Variants in BCAS4 observed in about 807,000 individuals in gnomAD.
The protein encoded by BCAS4 is breast carcinoma-amplified sequence 4.
Under a neutral mutation model 15.7 loss-of-function variants are expected in BCAS4, and 9 were observed. That is an observed-to-expected ratio of 0.57 (90% CI 0.34 to 1.00). BCAS4 has a LOEUF of 1.00. Ranked by LOEUF, BCAS4 falls within the 50% of genes least tolerant of loss-of-function variation. The probability of loss-of-function intolerance (pLI) is 0.02; values close to 1 mark genes in which losing one functional copy is unlikely to be tolerated. For missense variants in BCAS4, 225 were observed against 239.1 expected (o/e 0.94, Z 0.39); for synonymous variants, 101 against 99.5 (o/e 1.02, Z -0.09).
intron 4 of BCAS4, among the ~76,000 whole-genome samples, chr20:50,864,414 T>A (rs1398022634): frequency 2.6e-5 from 4 of 151,696 alleles, no homozygotes; most frequent in African/African-American, 9.7e-5. Context: ...GGAGCTGCTA[T>A]TGTCCTTACT....
intron 2 of BCAS4, among the ~76,000 whole-genome samples, chr20:50,820,487 A>T (rs1263849457): frequency 6.6e-6 from 1 of 152,168 alleles, no homozygotes; most frequent in Non-Finnish European, 1.5e-5. Flanking sequence ...GAGGCCAGGG[A>T]TGTGGTATGG....
intron 4 of BCAS4, among the ~76,000 whole-genome samples, chr20:50,856,767 A>T (rs1978779984): frequency 6.6e-6 from 1 of 152,154 alleles, no homozygotes; most frequent in Admixed American, 6.5e-5. Flanking sequence ...TGTGCCTGAC[A>T]TGTGGCCTCC....
intron 1 of BCAS4, among the ~76,000 whole-genome samples, chr20:50,808,074 A>AT (rs1309436703): frequency 3.3e-4 from 49 of 146,946 alleles, no homozygotes; most frequent in Admixed American, 1.2e-3. Context: ...TGCCCGGCTA[A>AT]TTTTTTTTTT....
chr20:50,814,669 G>T (rs2088116530), intron 1 of BCAS4, among the ~76,000 whole-genome samples: 1 of 152,246 alleles, frequency 6.6e-6, no homozygotes, highest in Admixed American at 6.5e-5. Flanking sequence ...AGCTGTGTGA[G>T]CTTGGGCAAG....
chr20:50,881,837 T>C (rs6126114), downstream of BCAS4: 43,236 of 151,918 alleles, frequency 0.28, 6,270 homozygotes, highest in African/African-American at 0.31. Flanking sequence ...ATTTTTGTGT[T>C]TTTAGTAAAG....
intron 4 of BCAS4, among the ~76,000 whole-genome samples, chr20:50,862,281 G>A (rs899415249): frequency 2.6e-5 from 4 of 151,846 alleles, no homozygotes; most frequent in Admixed American, 6.6e-5. Flanking sequence ...TTCTCAAGCC[G>A]CCTTTTGTTT....
At chr20:50,870,922 CG>C (rs1296242343) in intron 4 of BCAS4, among the ~76,000 whole-genome samples, 1 of 152,008 alleles carries the variant, frequency 6.6e-6, no homozygotes, top group Admixed American at 6.5e-5. Flanking sequence ...AGCTCACAGC[CG>C]TGTCAGGTTT....
intron 4 of BCAS4, among the ~76,000 whole-genome samples, chr20:50,865,346 G>T (rs778271073): frequency 2.0e-5 from 3 of 152,104 alleles, no homozygotes; most frequent in Non-Finnish European, 2.9e-5. Flanking sequence ...GACCAGACTC[G>T]ATCAGGAGCT....
chr20:50,799,572 G>A (rs1484753341), intron 1 of BCAS4, among the ~76,000 whole-genome samples: 2 of 152,190 alleles, frequency 1.3e-5, no homozygotes, highest in African/African-American at 2.4e-5. Context: ...CACTTTTGCC[G>A]CTTCCATGGA....
In BCAS4 at chr20:50,823,199, G is replaced by A. The variant is rs544877984; in HGVS notation, c.162+4917G>A. Among the ~76,000 whole-genome samples, 15 of 151,950 alleles carry A rather than the reference G, an allele frequency of 9.9e-5. No homozygotes were observed. The South Asian group carries it at 3.1e-3, about 32-fold the overall frequency. On this transcript the variant is annotated intron_variant, in intron 2 of 4. Transcript: ENST00000371608. Reference sequence around the variant, plus strand: ...TACTAAAAATACAAAAATTAGTTGGGTGCGGTGGCATACACCTGTAGTACC... The same window carrying A: ...TACTAAAAATACAAAAATTAGTTGGATGCGGTGGCATACACCTGTAGTACC...
chr20:50,826,943 G>C (rs2088284195), intron 2 of BCAS4, among the ~76,000 whole-genome samples: 1 of 152,046 alleles, frequency 6.6e-6, no homozygotes, highest in Non-Finnish European at 1.5e-5. Context: ...ACTCCAGCCT[G>C]GGTGACAAAG....
chr20:50,841,064 AG>A (rs2088474670), intron 3 of BCAS4: 2 of 338,172 alleles, frequency 5.9e-6, no homozygotes, highest in African/African-American at 4.3e-5. Flanking sequence ...TCCTGACCTC[AG>A]GTGATCTACC....
At chr20:50,806,211 C>G (rs1272430994) in intron 1 of BCAS4, among the ~76,000 whole-genome samples, 1 of 152,116 alleles carries the variant, frequency 6.6e-6, no homozygotes, top group Non-Finnish European at 1.5e-5. Flanking sequence ...TTGTTTTTCT[C>G]ACAATTTTCA....
At position 50,851,833 on chromosome 20, in the gene BCAS4, G is replaced by A. The variant is rs538896315; in HGVS notation, c.399+9933G>A. On this transcript the variant is annotated intron_variant, in intron 4 of 4. Transcript: ENST00000371608. This position sits in a 1 kb window ranked among gnomAD's most constrained non-coding sequence, Gnocchi z 4.3. Reference sequence around the variant, plus strand: ...CACACGGTCCCACCCCTGGGAAGCCGCCTGGGTTCCCCCAGCCAGCCTTCC... The same window carrying A: ...CACACGGTCCCACCCCTGGGAAGCCACCTGGGTTCCCCCAGCCAGCCTTCC... Among the ~76,000 whole-genome samples, 6 of 152,216 alleles carry A rather than the reference G, an allele frequency of 3.9e-5. No homozygotes were observed. Among genetic ancestry groups the A allele is most frequent in the Non-Finnish European group, 5.9e-5 (4 of 68,042 alleles).
intron 1 of BCAS4, among the ~76,000 whole-genome samples, chr20:50,806,126 C>A (rs898172938): frequency 2.6e-5 from 4 of 152,178 alleles, no homozygotes; most frequent in Non-Finnish European, 5.9e-5. Context: ...ATGGAGGTGG[C>A]ATCTCACTGG....
intron 4 of BCAS4, among the ~76,000 whole-genome samples, chr20:50,872,229 A>T (rs1385209206): frequency 3.1e-5 from 4 of 129,972 alleles, no homozygotes; most frequent in Non-Finnish European, 4.7e-5. Context: ...GCACCATTGC[A>T]TTCCAGCCTG....
chr20:50,795,235 G>A, intron 1 of BCAS4, 62 bp downstream of exon 1: 12 of 1,268,012 alleles, frequency 9.5e-6, no homozygotes, highest in Non-Finnish European at 1.2e-5. Context: ...CCGGGCTCCG[G>A]ACCCTCGGCT....
intron 4 of BCAS4, among the ~76,000 whole-genome samples, chr20:50,845,659 G>A (rs150520527): frequency 5.9e-5 from 9 of 152,328 alleles, no homozygotes; most frequent in Non-Finnish European, 8.8e-5. Context: ...AGGCTGGCCC[G>A]AACAGTGACC....
Position 50,841,802 on chromosome 20 carries a change from C to G in BCAS4, c.301C>G (p.Leu101Val), listed in dbSNP as rs778416220. ...VKMVGHHVAFLEADVLQAERD... is the reference protein window; with the variant it reads ...VKMVGHHVAFVEADVLQAERD... ...GATGGTTGGACACCACGTCGCCTTCCTGGAAGCAGACGTGCTTCAGGCTGA... is the reference window on the plus strand; with the variant it reads ...GATGGTTGGACACCACGTCGCCTTCGTGGAAGCAGACGTGCTTCAGGCTGA... Residue 101 changes from leucine (L) to valine (V), a missense_variant, in exon 4 of 5, where the codon CTG (leucine) becomes GTG (valine). By Grantham distance (32) the Leu-to-Val change is conservative. Coordinates refer to ENST00000371608, the MANE Select transcript of BCAS4 (RefSeq NM_198799.4). The G allele has an allele frequency of 8.1e-6, 13 of 1,613,832 alleles. No homozygotes were observed. In the East Asian group the frequency reaches 2.9e-4, roughly 36 times the overall value.
Sources: allele counts gnomAD v4.1 joint callset (sites outside exome capture counted in the v4.1 genomes callset), GRCh38; gene constraint gnomAD v4.1.1; non-coding constraint Gnocchi (gnomAD v3.1); transcripts MANE v1.5; gene names NCBI Gene and HGNC (gene_info 2026-07-23, HGNC 2026-07-21).